Variants in HTR4 observed in about 807,000 individuals in gnomAD.
HTR4 encodes 5-hydroxytryptamine receptor 4.
HTR4 carries 16 observed loss-of-function variants against 36.8 expected under a neutral mutation model. The ratio of observed to expected loss-of-function variants is 0.43; its 90% CI spans 0.29 to 0.66. The LOEUF (loss-of-function observed/expected upper bound fraction) is 0.66. Among genes scored for constraint, HTR4 ranks in the 30% least tolerant of loss-of-function variants. HTR4 has a pLI of 0.13. For missense variants in HTR4, 438 were observed against 490.9 expected, an observed-to-expected ratio of 0.89 and a Z score of 1.02; for synonymous variants, 189 against 185.1, an observed-to-expected ratio of 1.02 and a Z score of -0.17.
chr5:148,650,483 T>TTTCTA (rs1412350390), intron 1 of HTR4, among the ~76,000 whole-genome samples: 11 of 152,200 alleles, frequency 7.2e-5, no homozygotes, highest in African/African-American at 2.7e-4. Context: ...TCTGTACTAC[T>TTTCTA]TTCTACTGTC....
At chr5:148,610,134 A>G (rs1281211235) in intron 2 of HTR4, among the ~76,000 whole-genome samples, 1 of 152,222 alleles carries the variant, frequency 6.6e-6, no homozygotes, top group Non-Finnish European at 1.5e-5. Flanking sequence ...AAAAAGAGTG[A>G]GTGGAGGCCT....
chr5:148,576,119 A>AAAAAAAAAC (rs1554096998), intron 2 of HTR4, among the ~76,000 whole-genome samples: 1,648 of 135,556 alleles, frequency 0.012, 84 homozygotes, highest in South Asian at 0.041. Context: ...TCAAAAAAAA[A>AAAAAAAAAC]AAAAAAAAAA....
chr5:148,455,762 C>T (rs1256792207), intron 5 of HTR4, among the ~76,000 whole-genome samples: 2 of 152,122 alleles, frequency 1.3e-5, no homozygotes, highest in African/African-American at 2.4e-5. Context: ...TTACTGATAA[C>T]ATAGTCAGTT....
chr5:148,592,294 T>C (rs944100181), intron 2 of HTR4, among the ~76,000 whole-genome samples: 7 of 152,230 alleles, frequency 4.6e-5, no homozygotes, highest in African/African-American at 1.7e-4. Context: ...CTGGGCTTAA[T>C]TACTAGGTGA....
intron 4 of HTR4, among the ~76,000 whole-genome samples, chr5:148,542,206 A>G (rs1202928560): frequency 6.6e-6 from 1 of 152,242 alleles, no homozygotes; most frequent in Non-Finnish European, 1.5e-5. Context: ...AACAAATATT[A>G]TGTACAAAGC....
chr5:148,612,884 A>C (rs1379945430), intron 2 of HTR4, among the ~76,000 whole-genome samples: 1 of 149,458 alleles, frequency 6.7e-6, no homozygotes, highest in Admixed American at 6.7e-5. Flanking sequence ...AACTACCATC[A>C]GAGAATACTA....
At chr5:148,620,829 C>G (rs1293216296) in intron 2 of HTR4, among the ~76,000 whole-genome samples, 1 of 152,096 alleles carries the variant, frequency 6.6e-6, no homozygotes, top group East Asian at 1.9e-4. Flanking sequence ...CTTGACTTAG[C>G]CCTCACTATC....
downstream of HTR4, among the ~76,000 whole-genome samples, chr5:148,481,256 CA>C (rs1179135945): frequency 6.6e-6 from 1 of 152,198 alleles, no homozygotes; most frequent in East Asian, 1.9e-4. Flanking sequence ...GGCAGGGGAA[CA>C]ATGACTTGAA....
At chr5:148,521,021 C>T in intron 5 of HTR4, 1 of 1,365,954 alleles carries the variant, frequency 7.3e-7, no homozygotes, top group Non-Finnish European at 9.8e-7. Flanking sequence ...GAGGAAAGGG[C>T]AGCTCCCTGT....
intron 2 of HTR4, among the ~76,000 whole-genome samples, chr5:148,561,093 G>A (rs1444379684): frequency 6.6e-6 from 1 of 152,070 alleles, no homozygotes; most frequent in Non-Finnish European, 1.5e-5. Flanking sequence ...AGGACACGAG[G>A]GCAGGGAGGT....
Position 148,560,613 on chromosome 5 carries a change from A to G in HTR4, c.27-10351T>C, listed in dbSNP as rs561588436. Among the ~76,000 whole-genome samples, 18 of 152,350 alleles carry G rather than the reference A, an allele frequency of 1.2e-4. No homozygotes were observed. In the South Asian group the frequency reaches 3.7e-3, roughly 32 times the overall value. ...GACATTGATGTACTGAACACCTACC[A>G]TATGGCAAACAATGCACCTGGAAGA... On this transcript the variant is annotated intron_variant, in intron 2 of 6. Coordinates refer to ENST00000377888, the MANE Select transcript of HTR4 (RefSeq NM_000870.7).
intron 2 of HTR4, among the ~76,000 whole-genome samples, chr5:148,557,917 C>G (rs1019625839): frequency 6.6e-6 from 1 of 151,606 alleles, no homozygotes; most frequent in African/African-American, 2.4e-5. Context: ...TTTTATGTAT[C>G]GAACTTTGCA....
intron 2 of HTR4, among the ~76,000 whole-genome samples, chr5:148,571,616 T>G (rs2113881986): frequency 6.6e-6 from 1 of 152,152 alleles, no homozygotes; most frequent in East Asian, 1.9e-4. Context: ...GATTGAGAAT[T>G]ACTGGCCTAG....
intron 2 of HTR4, among the ~76,000 whole-genome samples, chr5:148,587,323 G>A (rs994086473): frequency 6.6e-6 from 1 of 152,210 alleles, no homozygotes; most frequent in Non-Finnish European, 1.5e-5. Flanking sequence ...TGAAGAAACA[G>A]GCTTAGGAAA....
In HTR4 at chr5:148,587,248, C is replaced by T. The variant is rs541480996; in HGVS notation, c.27-36986G>A. Among the ~76,000 whole-genome samples the T allele has an allele frequency of 3.3e-5, 5 of 152,158 alleles. No individual in the cohort carries two copies. In the East Asian group the frequency reaches 9.6e-4, roughly 29 times the overall value. On this transcript the variant is annotated intron_variant, in intron 2 of 6. Transcript: ENST00000377888. ...ACAATATCTTGAAGATATTTATAGT[C>T]GCATAGGGTATCAGAGGTAAAAGAA... is the stretch of plus-strand genomic sequence containing the variant.
At chr5:148,518,979 C>T (rs569486828) in intron 5 of HTR4, among the ~76,000 whole-genome samples, 1 of 152,158 alleles carries the variant, frequency 6.6e-6, no homozygotes, top group South Asian at 2.1e-4. Context: ...GTACTTTCTC[C>T]TCACTAGATT....
At chr5:148,479,265 T>C (rs1025332959), downstream of HTR4, among the ~76,000 whole-genome samples, 2 of 152,080 alleles carry the variant, frequency 1.3e-5, no homozygotes, top group African/African-American at 4.8e-5. Context: ...CCGGGGCTAC[T>C]AGCTTTCCTT....
At chr5:148,494,500 A>G (rs1362572529) in intron 6 of HTR4, among the ~76,000 whole-genome samples, 2 of 152,016 alleles carry the variant, frequency 1.3e-5, no homozygotes, top group African/African-American at 4.8e-5. Flanking sequence ...CTTTTTTTCT[A>G]TGTTTACATT....
At chr5:148,567,536 G>T (rs1760496036) in intron 2 of HTR4, among the ~76,000 whole-genome samples, 1 of 151,940 alleles carries the variant, frequency 6.6e-6, no homozygotes, top group Non-Finnish European at 1.5e-5. Context: ...AATATACCAG[G>T]ATATAAGGAA....
Sources: gnomAD v4.1 joint callset for allele counts (sites outside exome capture counted in the v4.1 genomes callset) on GRCh38, gnomAD v4.1.1 for gene constraint, MANE v1.5 for transcripts, NCBI Gene and HGNC (gene_info 2026-07-23, HGNC 2026-07-21) for gene names.